Variants in TTL observed in about 807,000 individuals in gnomAD.
The protein encoded by TTL is tubulin--tyrosine ligase.
Under a neutral mutation model 41.1 loss-of-function variants are expected in TTL, and 10 were observed. The observed-to-expected ratio is 0.24, with a 90% CI of 0.15 to 0.41. TTL has a LOEUF of 0.41. Ranked by LOEUF, TTL falls within the 10% of genes least tolerant of loss-of-function variation. TTL has a pLI of 1.00. For missense variants in TTL, 367 were observed against 460.4 expected (o/e 0.80, Z 1.86); for synonymous variants, 175 against 175.5 (o/e 1.00, Z 0.02).
chr2:112,483,338 C>T (rs1251414271), intron 1 of TTL: 1 of 152,192 alleles, frequency 6.6e-6, no homozygotes, highest in Non-Finnish European at 1.5e-5. Context: ...AGAAGTTGCC[C>T]AGATCGGTTC....
At chr2:112,513,070 T>A (rs1681966207) in intron 5 of TTL, among the ~76,000 whole-genome samples, 1 of 152,040 alleles carries the variant, frequency 6.6e-6, no homozygotes, top group Non-Finnish European at 1.5e-5. Context: ...TGCAAAAACC[T>A]TATAACATAG....
rs1426395390 is a variant in TTL, at chr2:112,538,700, C to A, written c.*9905C>A. ...GGCTGAGGCACAAGAATCGCTTGAA[C>A]CTGAGAAGAGGAGGTTGCAGTGAGC... On this transcript the variant is annotated 3_prime_UTR_variant, in exon 7 of 7. Coordinates refer to ENST00000233336, the MANE Select transcript of TTL (RefSeq NM_153712.5). 6.6e-6 allele frequency: 1 copy of A among 152,226 alleles called. No homozygotes were observed. Among genetic ancestry groups the A allele is most frequent in the East Asian group, 1.9e-4 (1 of 5,196 alleles). The allele number at this position is 152,226 out of a possible 1,614,324, so 9.4% of individuals were successfully genotyped here.
chr2:112,503,247 T>C (rs2104459723), intron 5 of TTL, 66 bp downstream of exon 5: 2 of 1,375,444 alleles, frequency 1.5e-6, no homozygotes, highest in Non-Finnish European at 1.9e-6. Context: ...TCTATGCCTT[T>C]CAAAGAATTG....
rs1682726631 is a variant in TTL, at chr2:112,541,230, C to G, written c.*12435C>G. ...GCAACAAAAGAAAAAAACTACACTT[C>G]AAAATTAAAACGTTTTGCTTCAAAG... On this transcript the variant is annotated 3_prime_UTR_variant, in exon 7 of 7. Transcript: ENST00000233336. 1 of 152,060 alleles carries G rather than the reference C, an allele frequency of 6.6e-6. No homozygotes were observed. Among genetic ancestry groups the G allele is most frequent in the Non-Finnish European group, 1.5e-5 (1 of 68,014 alleles). 9.4% of individuals were successfully genotyped at this position (152,060 alleles called of 1,614,324 possible).
rs1188030348 is a variant in TTL, at chr2:112,533,512, TACAGAG to T, written c.*4719_*4724del. The T allele has an allele frequency of 6.6e-6, 1 of 152,220 alleles. No individual in the cohort carries two copies. Among genetic ancestry groups the T allele is most frequent in the East Asian group, 1.9e-4 (1 of 5,198 alleles). 9.4% of individuals were successfully genotyped at this position (152,220 alleles called of 1,614,324 possible). A position where few individuals can be genotyped will look rare whatever the true frequency, so the allele number is the denominator to read the frequency against. On this transcript the variant is annotated 3_prime_UTR_variant, in exon 7 of 7. Transcript: ENST00000233336. ...ATTTTGTATTGCCATAACAGAATGTTACAGAGAAGTGTATGTGGCTCACGGTTCTGG... is the reference window on the plus strand; with the variant it reads ...ATTTTGTATTGCCATAACAGAATGTTAAGTGTATGTGGCTCACGGTTCTGG...
intron 3 of TTL, 74 bp downstream of exon 3, chr2:112,494,449 A>G: frequency 8.6e-7 from 1 of 1,166,978 alleles, no homozygotes; most frequent in Non-Finnish European, 1.2e-6. Flanking sequence ...GAATGACCCT[A>G]TTTTAATCTG....
chr2:112,538,218 TAGAAG>T lies in TTL; in HGVS notation c.*9430_*9434del, dbSNP rs1391211524. 1.3e-5 allele frequency: 2 copies of T among 152,134 alleles called. No homozygotes were observed. The highest frequency in any genetic ancestry group is 6.6e-5 in the Admixed American group (1 of 15,260). 9.4% of individuals were successfully genotyped at this position (152,134 alleles called of 1,614,324 possible). A position where few individuals can be genotyped will look rare whatever the true frequency, so the allele number is the denominator to read the frequency against. On this transcript the variant is annotated 3_prime_UTR_variant, in exon 7 of 7. Transcript: ENST00000233336. ...ATATTTCATAGAGTCTCCTAAAAAA[TAGAAG>T]AGAAGAAAATACTCCTCAATTGAGA...
At chr2:112,493,372 C>G (rs1029675790) in intron 2 of TTL, among the ~76,000 whole-genome samples, 8 of 150,362 alleles carry the variant, frequency 5.3e-5, no homozygotes, top group South Asian at 2.1e-4. Context: ...AAAAAAAAGA[C>G]TTGGGAGTTC....
Position 112,482,533 on chromosome 2 carries a change from C to G in TTL, c.157+32C>G, listed in dbSNP as rs1026638776. The G allele has an allele frequency of 6.4e-7, 1 of 1,569,366 alleles. No homozygotes were observed. The highest frequency in any genetic ancestry group is 1.4e-5 in the African/African-American group (1 of 72,476). On this transcript the variant is annotated intron_variant, in intron 1 of 6. Coordinates refer to ENST00000233336, the MANE Select transcript of TTL (RefSeq NM_153712.5). The surrounding 1 kb of genome is among the most constrained non-coding windows in gnomAD (Gnocchi z 5.3). ...CCCTCCCCGATTCCCGTCTGCCCTC[C>G]TCGGAGCGGCCCTGCGCGCCTCCCG...
rs1558648028 is a variant in TTL at position 112,537,479 on chromosome 2, T to C, written c.*8684T>C. The C allele has an allele frequency of 6.6e-6, 1 of 152,276 alleles. No homozygotes were observed. The highest frequency in any genetic ancestry group is 1.5e-5 in the Non-Finnish European group (1 of 68,058). The allele number at this position is 152,276 out of a possible 1,614,324, so 9.4% of individuals were successfully genotyped here. On this transcript the variant is annotated 3_prime_UTR_variant, in exon 7 of 7. Coordinates refer to ENST00000233336, the MANE Select transcript of TTL (RefSeq NM_153712.5). ...GCAGTGTATAAGCATTCTCTTTTTTTCCTTAGCCTCTTCAGCATCTGTTAT... is the reference window on the plus strand; with the variant it reads ...GCAGTGTATAAGCATTCTCTTTTTTCCCTTAGCCTCTTCAGCATCTGTTAT...
At position 112,533,751 on chromosome 2, in the gene TTL, A is replaced by ACTATT. The variant is rs1682551054; in HGVS notation, c.*4956_*4957insCTATT. On this transcript the variant is annotated 3_prime_UTR_variant, in exon 7 of 7. Coordinates refer to ENST00000233336, the MANE Select transcript of TTL (RefSeq NM_153712.5). ...GAGCTCTCGTGACCTAACCTCTTAC[A>ACTATT]GGTCCCACCTCTCAACACTATTGCA... is the stretch of plus-strand genomic sequence containing the variant. The ACTATT allele has an allele frequency of 6.6e-6, 1 of 152,192 alleles. No homozygotes were observed. The highest frequency in any genetic ancestry group is 6.5e-5 in the Admixed American group (1 of 15,282). The allele number at this position is 152,192 out of a possible 1,614,324, so 9.4% of individuals were successfully genotyped here.
chr2:112,528,749 A>G lies in TTL; in HGVS notation c.1088A>G (p.Asp363Gly), dbSNP rs776692261. Residue 363 changes from aspartate to glycine, a missense_variant, in exon 7 of 7, where the codon GAT (aspartate) becomes GGT (glycine). Transcript: ENST00000233336. ...IAISSVFPPP[D>G]VEQPQTQPAA... ...ATTTCCAGTGTCTTCCCACCCCCAG[A>G]TGTGGAGCAACCTCAGACCCAGCCA... 8 of 1,614,110 alleles carry G rather than the reference A, an allele frequency of 5.0e-6. No homozygotes were observed. The East Asian group carries it at 8.9e-5, about 18-fold the overall frequency.
rs1022942181 is a variant in TTL, at chr2:112,482,200, C to G, written c.-145C>G. The G allele has an allele frequency of 1.2e-5, 5 of 416,838 alleles. No individual in the cohort carries two copies. The highest frequency in any genetic ancestry group is 1.6e-5 in the Non-Finnish European group (5 of 313,966). 25.8% of individuals were successfully genotyped at this position (416,838 alleles called of 1,614,324 possible). On this transcript the variant is annotated 5_prime_UTR_variant, in exon 1 of 7. Transcript: ENST00000233336. This position sits in a 1 kb window ranked among gnomAD's most constrained non-coding sequence, Gnocchi z 5.3. ...GGCGGGCGCCCGGGCGCGGCGCCGC[C>G]GGCACCCGAGAGGCGCGGTAGCCGG...
chr2:112,526,370 T>C (rs1682372575), intron 6 of TTL, among the ~76,000 whole-genome samples: 1 of 152,222 alleles, frequency 6.6e-6, no homozygotes, highest in Non-Finnish European at 1.5e-5. Context: ...TGGTACCAGC[T>C]CCTCTTTGTA....
chr2:112,500,689 G>C (rs1159507549), intron 3 of TTL, among the ~76,000 whole-genome samples: 1 of 152,294 alleles, frequency 6.6e-6, no homozygotes, highest in East Asian at 1.9e-4. Context: ...TTTGGTATAT[G>C]AATTATACTT....
chr2:112,526,732 A>G (rs1682383257), intron 6 of TTL, among the ~76,000 whole-genome samples: 1 of 152,172 alleles, frequency 6.6e-6, no homozygotes, highest in Non-Finnish European at 1.5e-5. Flanking sequence ...TCTTTTCAAA[A>G]AACCAGCTCC....
intron 5 of TTL, among the ~76,000 whole-genome samples, chr2:112,513,258 A>G (rs1285340717): frequency 6.6e-5 from 10 of 152,134 alleles, no homozygotes; most frequent in African/African-American, 9.6e-5. Flanking sequence ...TATACTGTCT[A>G]TAAGAAATCC....
chr2:112,520,527 G>GA, intron 6 of TTL, 102 bp downstream of exon 6: 1 of 1,485,314 alleles, frequency 6.7e-7, no homozygotes, highest in East Asian at 2.4e-5. Flanking sequence ...TGTGAGGGAG[G>GA]ATGCCACAGT....
intron 6 of TTL, among the ~76,000 whole-genome samples, chr2:112,526,529 T>A (rs1394116191): frequency 6.6e-6 from 1 of 152,214 alleles, no homozygotes. Context: ...GGTGTATGTG[T>A]CCAGGAATTT....
Sources: allele counts gnomAD v4.1 joint callset (sites outside exome capture counted in the v4.1 genomes callset), GRCh38; gene constraint gnomAD v4.1.1; non-coding constraint Gnocchi (gnomAD v3.1); transcripts MANE v1.5; gene names NCBI Gene and HGNC (gene_info 2026-07-23, HGNC 2026-07-21).